Variants in MACROD2 observed in about 807,000 individuals in gnomAD.
MACROD2 encodes the protein mono-ADP ribosylhydrolase 2, also known as ADP-ribose glycohydrolase MACROD2.
Under a neutral mutation model 70.4 loss-of-function variants are expected in MACROD2, and 36 were observed. The ratio of observed to expected loss-of-function variants is 0.51; its 90% confidence interval spans 0.39 to 0.68. The LOEUF is 0.68. Ranked by LOEUF, MACROD2 falls within the 30% of genes least tolerant of loss-of-function variation. The probability of loss-of-function intolerance (pLI) is 0.00; values close to 1 mark genes in which losing one functional copy is unlikely to be tolerated. For synonymous variants in MACROD2, 172 were observed against 178.8 expected (o/e 0.96, Z 0.30); for missense variants, 496 against 538.4 (o/e 0.92, Z 0.78).
At chr20:15,199,164 C>A (rs1014257670) in intron 5 of MACROD2, among the ~76,000 whole-genome samples, 1 of 151,726 alleles carries the variant, frequency 6.6e-6, no homozygotes, top group East Asian at 1.9e-4. Flanking sequence ...TGAGTCCAAC[C>A]CGGCCAATAT....
intron 3 of MACROD2, among the ~76,000 whole-genome samples, chr20:14,478,739 T>C (rs1466515322): frequency 6.6e-6 from 1 of 152,128 alleles, no homozygotes; most frequent in African/African-American, 2.4e-5. Flanking sequence ...AAATCCCTTA[T>C]TTTAGTAGGT....
At chr20:15,663,458 A>G (rs1176891836) in intron 8 of MACROD2, among the ~76,000 whole-genome samples, 1 of 151,190 alleles carries the variant, frequency 6.6e-6, no homozygotes, top group African/African-American at 2.4e-5. Flanking sequence ...CTGGTCTTGA[A>G]CTCCTGATTT....
At chr20:15,809,930 T>C (rs1213775573) in intron 8 of MACROD2, among the ~76,000 whole-genome samples, 3 of 151,062 alleles carry the variant, frequency 2.0e-5, no homozygotes, top group Non-Finnish European at 4.4e-5. Context: ...TTGTTACATA[T>C]GTATACATGT....
At chr20:14,548,147 G>A (rs994461328) in intron 4 of MACROD2, among the ~76,000 whole-genome samples, 1 of 152,164 alleles carries the variant, frequency 6.6e-6, no homozygotes, top group East Asian at 1.9e-4. Flanking sequence ...CATATTTGGA[G>A]ACTTGGCCCC....
At chr20:14,410,631 A>G (rs1178372860) in intron 3 of MACROD2, among the ~76,000 whole-genome samples, 1 of 152,136 alleles carries the variant, frequency 6.6e-6, no homozygotes, top group East Asian at 1.9e-4. Context: ...AATGATGCTA[A>G]CCTTCAAACC....
chr20:14,758,996 A>G (rs1195062535), intron 5 of MACROD2, among the ~76,000 whole-genome samples: 3 of 151,780 alleles, frequency 2.0e-5, no homozygotes, highest in South Asian at 2.1e-4. Context: ...TCCTTTTTCT[A>G]TCTCCTTTTT....
chr20:14,087,308 A>C (rs578077607), intron 3 of MACROD2, among the ~76,000 whole-genome samples: 142 of 152,138 alleles, frequency 9.3e-4, no homozygotes, highest in Admixed American at 2.6e-3. Context: ...AGGCAGGAGA[A>C]TCGCTTGAAC....
At chr20:15,025,252 GGA>G (rs2075221131) in intron 5 of MACROD2, among the ~76,000 whole-genome samples, 2 of 151,792 alleles carry the variant, frequency 1.3e-5, no homozygotes, top group South Asian at 4.2e-4. Flanking sequence ...TGTTAATGGG[GGA>G]GAGAGAGGGG....
At chr20:15,025,389 G>C (rs1000905496) in intron 5 of MACROD2, among the ~76,000 whole-genome samples, 1 of 151,722 alleles carries the variant, frequency 6.6e-6, no homozygotes, top group African/African-American at 2.4e-5. Context: ...TCCTTGGCCA[G>C]ACCCGGAAGC....
intron 8 of MACROD2, among the ~76,000 whole-genome samples, chr20:15,772,084 CAAAAAAAA>C (rs753205618): frequency 1.4e-5 from 1 of 70,726 alleles, no homozygotes; most frequent in African/African-American, 4.9e-5. Context: ...GACTCGGTCT[CAAAAAAAA>C]AAAAAAAAAA....
intron 6 of MACROD2, among the ~76,000 whole-genome samples, chr20:15,247,245 A>T (rs918576041): frequency 6.6e-6 from 1 of 152,118 alleles, no homozygotes; most frequent in East Asian, 1.9e-4. Flanking sequence ...ATCCTGGAGG[A>T]TTGTTGTAGG....
intron 4 of MACROD2, among the ~76,000 whole-genome samples, chr20:14,517,475 G>A (rs898162016): frequency 6.6e-6 from 1 of 152,154 alleles, no homozygotes; most frequent in South Asian, 2.1e-4. Flanking sequence ...CTCATAAGTG[G>A]GAGTTGAGCA....
intron 5 of MACROD2, among the ~76,000 whole-genome samples, chr20:15,048,353 T>C (rs2075412055): frequency 6.6e-6 from 1 of 152,104 alleles, no homozygotes; most frequent in South Asian, 2.1e-4. Flanking sequence ...TTGTTACCAC[T>C]GCATAACCTA....
At chr20:15,433,426 A>G (rs1385138715) in intron 7 of MACROD2, among the ~76,000 whole-genome samples, 2 of 147,570 alleles carry the variant, frequency 1.4e-5, no homozygotes, top group African/African-American at 5.1e-5. Context: ...GTTGAGAATC[A>G]AATCAGGAAC....
At position 15,606,832 on chromosome 20, in the gene MACROD2, G is replaced by A. The variant is rs183227; in HGVS notation, c.645+106985G>A. Among the ~76,000 whole-genome samples, 55 of 152,048 alleles carry A rather than the reference G, an allele frequency of 3.6e-4. No individual in the cohort carries two copies. In the East Asian group the frequency reaches 7.9e-3, roughly 22 times the overall value. On this transcript the variant is annotated intron_variant, in intron 8 of 17. Transcript: ENST00000684519. The stretch of plus-strand genomic sequence containing the variant: ...AGCCTGACCAACATGGAGAAACCCC[G>A]TCTCTATTAAAAATGCAAAATTAGC...
At chr20:15,066,126 T>G in intron 5 of MACROD2, among the ~76,000 whole-genome samples, 1 of 150,934 alleles carries the variant, frequency 6.6e-6, no homozygotes, top group Non-Finnish European at 1.5e-5. Flanking sequence ...TTTTTTTTAT[T>G]TTTAATTTTT....
At chr20:14,787,400 G>T (rs1247796240) in intron 5 of MACROD2, among the ~76,000 whole-genome samples, 1 of 152,082 alleles carries the variant, frequency 6.6e-6, no homozygotes, top group Non-Finnish European at 1.5e-5. Flanking sequence ...TTTTTCCTCT[G>T]CCTGGGGAAA....
chr20:15,055,215 G>A (rs1284140569), intron 5 of MACROD2, among the ~76,000 whole-genome samples: 6 of 152,146 alleles, frequency 3.9e-5, no homozygotes, highest in Admixed American at 1.3e-4. Context: ...CTCTGAAAGT[G>A]CTGGGATTAT....
intron 15 of MACROD2, among the ~76,000 whole-genome samples, chr20:16,017,883 C>T (rs2066949961): frequency 6.6e-6 from 1 of 152,174 alleles, no homozygotes; most frequent in Admixed American, 6.5e-5. Context: ...ACAGCACCAG[C>T]CACATGGTGC....
Sources: gnomAD v4.1 joint callset for allele counts (sites outside exome capture counted in the v4.1 genomes callset) on GRCh38, gnomAD v4.1.1 for gene constraint, MANE v1.5 for transcripts, NCBI Gene and HGNC (gene_info 2026-07-23, HGNC 2026-07-21) for gene names.